Variants in ERCC3 observed in about 807,000 individuals in gnomAD.
ERCC3 encodes the protein ERCC excision repair 3, TFIIH core complex helicase subunit.
In ERCC3, 66 loss-of-function variants were observed where a neutral mutation model predicts 94.2. The observed-to-expected ratio is 0.70, with a 90% confidence interval of 0.57 to 0.86. The LOEUF is 0.86. Among genes scored for constraint, ERCC3 ranks in the 40% least tolerant of loss-of-function variants. The pLI, the probability that ERCC3 is intolerant of heterozygous loss-of-function variation, is 0.00. For missense variants in ERCC3, 829 were observed against 987.1 expected, an observed-to-expected ratio of 0.84 and a Z score of 2.15; for synonymous variants, 349 against 369.1, an observed-to-expected ratio of 0.95 and a Z score of 0.63.
chr2:127,259,690 C>G lies in ERCC3; in HGVS notation c.2065-242G>C, dbSNP rs1684134436. On this transcript the variant is annotated intron_variant, in intron 13 of 14. Transcript: ENST00000285398. This position sits in a 1 kb window ranked among gnomAD's most constrained non-coding sequence, Gnocchi z 4.9. ...GCAGGAATTTCAGAGAAATCTGCCC[C>G]CAGCACACAGCATCTAAATGATCAT... is the stretch of plus-strand genomic sequence containing the variant. 7.3e-6 allele frequency: 4 copies of G among 546,946 alleles called. No homozygotes were observed. The East Asian group carries it at 1.3e-4, about 18-fold the overall frequency. 33.9% of individuals were successfully genotyped at this position (546,946 alleles called of 1,614,324 possible).
chr2:127,283,376 G>A (rs1159564194), intron 8 of ERCC3, among the ~76,000 whole-genome samples: 2 of 152,124 alleles, frequency 1.3e-5, no homozygotes, highest in African/African-American at 4.8e-5. Context: ...CTTTCACTCA[G>A]CACCATGCTT....
At chr2:127,292,497 G>A (rs1254640912) in intron 3 of ERCC3, 113 bp downstream of exon 3, 4 of 812,340 alleles carry the variant, frequency 4.9e-6, no homozygotes, top group Non-Finnish European at 2.2e-6. Flanking sequence ...GCTCCCCACA[G>A]GAAATCTGAA....
intron 7 of ERCC3, 45 bp downstream of exon 7, chr2:127,288,615 C>T: frequency 6.5e-7 from 1 of 1,536,820 alleles, no homozygotes; most frequent in South Asian, 1.1e-5. Flanking sequence ...CTGGCAGATC[C>T]AGACACAACA....
chr2:127,290,449 C>T, intron 3 of ERCC3, 176 bp from the exon 4 acceptor site: 1 of 671,048 alleles, frequency 1.5e-6, no homozygotes, highest in Non-Finnish European at 2.8e-6. Flanking sequence ...CCATTGGCCT[C>T]TGCTTTCTGA....
rs756372508 is a variant in ERCC3 at position 127,261,354 on chromosome 2, A to C, written c.1946-8T>G. The C allele has an allele frequency of 1.3e-6, 2 of 1,493,572 alleles. No individual in the cohort carries two copies. The highest frequency in any genetic ancestry group is 2.3e-5 in the East Asian group (1 of 44,342). The allele number at this position is 1,493,572 out of a possible 1,614,324, so 92.5% of individuals were successfully genotyped here. A position where few individuals can be genotyped will look rare whatever the true frequency, so the allele number is the denominator to read the frequency against. ...ACTCTTCTGCAACCATCCCTGCAGG[A>C]AAAAATGAGAAACGGCAATAAAGAA... On this transcript the variant is annotated splice_polypyrimidine_tract_variant and splice_region_variant and intron_variant, in intron 12 of 14. Coordinates refer to ENST00000285398, the MANE Select transcript of ERCC3 (RefSeq NM_000122.2).
At position 127,257,807 on chromosome 2, in the gene ERCC3, A is replaced by C; in HGVS notation, c.2218-80T>G. The C allele has an allele frequency of 6.8e-7, 1 of 1,464,996 alleles. No individual in the cohort carries two copies. The highest frequency in any genetic ancestry group is 1.1e-5 in the South Asian group (1 of 86,986). The allele number at this position is 1,464,996 out of a possible 1,614,324, so 90.7% of individuals were successfully genotyped here. A position where few individuals can be genotyped will look rare whatever the true frequency, so the allele number is the denominator to read the frequency against. On this transcript the variant is annotated intron_variant, in intron 14 of 14. Transcript: ENST00000285398. The surrounding 1 kb of genome is among the most constrained non-coding windows in gnomAD (Gnocchi z 5.4). ...TTTATAATACTTATAATCACAGCAA[A>C]TTTTATAAGACTTACATAAATTTAA... is the stretch of plus-strand genomic sequence containing the variant.
rs1685384980 is a variant in ERCC3, at chr2:127,294,119, C to A, written c.-38G>T. The A allele has an allele frequency of 1.2e-6, 2 of 1,600,366 alleles. No individual in the cohort carries two copies. The highest frequency in any genetic ancestry group is 2.7e-5 in the African/African-American group (2 of 74,614). On this transcript the variant is annotated 5_prime_UTR_variant, in exon 1 of 15. Transcript: ENST00000285398. ...AGCAGAGAGAAGATGACCCCGCTCC[C>A]ACAGGCCCGCCGCGGCATCCGCTCT... is the stretch of plus-strand genomic sequence containing the variant.
At position 127,283,238 on chromosome 2, in the gene ERCC3, CCT is replaced by C. The variant is rs4150442; in HGVS notation, c.1343-2609_1343-2608del. Among the ~76,000 whole-genome samples the C allele has an allele frequency of 2.8e-3, 433 of 152,182 alleles. 2 individuals are homozygous for C. Among genetic ancestry groups the C allele is most frequent in the African/African-American group, 0.01 (415 of 41,498 alleles). On this transcript the variant is annotated intron_variant, in intron 8 of 14. Transcript: ENST00000285398. ...TAAAGACAGCATCCCCCAAAATTCC[CCT>C]GTGCTCTCCTTTAGAGTCATCCATC... is the stretch of plus-strand genomic sequence containing the variant.
At chr2:127,288,988 C>T (rs1158649658) in intron 6 of ERCC3, 124 bp from the exon 7 acceptor site, 3 of 863,378 alleles carry the variant, frequency 3.5e-6, no homozygotes, top group African/African-American at 1.7e-5. Context: ...GATTTTAGAT[C>T]TTGCTCAGTC....
intron 8 of ERCC3, among the ~76,000 whole-genome samples, chr2:127,285,455 C>A (rs1466937607): frequency 6.6e-6 from 1 of 152,112 alleles, no homozygotes; most frequent in East Asian, 1.9e-4. Flanking sequence ...CAGGGTGAGG[C>A]TGAGGTGGGC....
intron 12 of ERCC3, among the ~76,000 whole-genome samples, chr2:127,270,266 C>G (rs1251302360): frequency 6.6e-6 from 1 of 152,132 alleles, no homozygotes; most frequent in African/African-American, 2.4e-5. Flanking sequence ...CTCAAGCTAT[C>G]CTCCTGCCTT....
intron 3 of ERCC3, 147 bp downstream of exon 3, chr2:127,292,463 G>A (rs553657568): frequency 3.9e-6 from 3 of 760,776 alleles, no homozygotes; most frequent in Non-Finnish European, 7.2e-6. Flanking sequence ...CCAGAGTGTA[G>A]CGGCTGGGGT....
chr2:127,259,153 C>T lies in ERCC3; in HGVS notation c.2217+143G>A. On this transcript the variant is annotated intron_variant, in intron 14 of 14. Transcript: ENST00000285398. This position sits in a 1 kb window ranked among gnomAD's most constrained non-coding sequence, Gnocchi z 4.9. Reference sequence around the variant, plus strand: ...ACCAAAAGGGCAACAAGGATTGTTTCTGTTCATCTCTTCCGTGTTTTCCAA... The same window carrying T: ...ACCAAAAGGGCAACAAGGATTGTTTTTGTTCATCTCTTCCGTGTTTTCCAA... The T allele has an allele frequency of 1.1e-6, 1 of 927,132 alleles. No homozygotes were observed. Among genetic ancestry groups the T allele is most frequent in the Middle Eastern group, 3.1e-4 (1 of 3,190 alleles). 57.4% of individuals were successfully genotyped at this position (927,132 alleles called of 1,614,324 possible).
Position 127,280,472 on chromosome 2 carries a change from T to C in ERCC3, c.1502A>G (p.Tyr501Cys), listed in dbSNP as rs1251200118. ...ANWMELQNNGYIAKVQCAEVW... is the reference protein window; with the variant it reads ...ANWMELQNNGCIAKVQCAEVW... ...CTCAGCACACTGGACTTTGGCGATG[T>C]AGCCATTATTCTGCAGCTCCATCCA... is the stretch of plus-strand genomic sequence containing the variant. Residue 501 changes from tyrosine (Y) to cysteine (C), a missense_variant, in exon 9 of 15, where the codon TAC becomes TGC. Physicochemically the swap from Tyr to Cys is radical, Grantham distance 194. Transcript: ENST00000285398. The surrounding 1 kb of genome is among the most constrained non-coding windows in gnomAD (Gnocchi z 6.3). The C allele has an allele frequency of 6.2e-7, 1 of 1,613,356 alleles. No homozygotes were observed. Among genetic ancestry groups the C allele is most frequent in the South Asian group, 1.1e-5 (1 of 90,908 alleles).
intron 8 of ERCC3, among the ~76,000 whole-genome samples, chr2:127,281,324 G>A (rs1466397914): frequency 1.3e-5 from 2 of 152,012 alleles, no homozygotes; most frequent in South Asian, 2.1e-4. Flanking sequence ...CAAGCCCTCC[G>A]GCCCGCCTTA....
chr2:127,289,367 C>CTCTTCT lies in ERCC3; in HGVS notation c.786_791dup (p.Glu263_Glu264dup), dbSNP rs761456808. 1.8e-5 allele frequency: 29 copies of CTCTTCT among 1,613,408 alleles called. No individual in the cohort carries two copies. The highest frequency in any genetic ancestry group is 2.3e-5 in the Non-Finnish European group (27 of 1,179,756). On this transcript the variant is annotated inframe_insertion, in exon 6 of 15. Transcript: ENST00000285398. ...TGACTTCAAAAGACACTGTCTGTGT[C>CTCTTCT]TCTTCTTCTTCTTCTTCATCCTTGT...
chr2:127,286,935 A>G lies in ERCC3; in HGVS notation c.1110T>C (p.Ser370=), dbSNP rs774063464. The G allele has an allele frequency of 1.5e-5, 25 of 1,614,004 alleles. No individual in the cohort carries two copies. The highest frequency in any genetic ancestry group is 1.6e-4 in the Middle Eastern group (1 of 6,084). ...RCLVLGNSAV[S]VEQWKAQFKM... ...TGAACTGGGCTTTCCACTGCTCCAC[A>G]GAAACAGCTGAGTTGCCCAGCACCA... The change falls in exon 8 of 15, where the codon TCT becomes TCC. Residue 370 remains serine, a synonymous_variant. Coordinates refer to ENST00000285398, the MANE Select transcript of ERCC3 (RefSeq NM_000122.2).
At chr2:127,261,770 G>GA (rs1200886549) in intron 12 of ERCC3, 4 of 263,334 alleles carry the variant, frequency 1.5e-5, no homozygotes, top group Non-Finnish European at 2.9e-5. Flanking sequence ...AAAGCACAAT[G>GA]AGATTATCAC....
At chr2:127,278,045 G>C (rs1684786175) in intron 10 of ERCC3, among the ~76,000 whole-genome samples, 1 of 152,054 alleles carries the variant, frequency 6.6e-6, no homozygotes, top group Non-Finnish European at 1.5e-5. Flanking sequence ...TTTGAGACCA[G>C]CCTGGGCAAC....
Sources: allele counts gnomAD v4.1 joint callset (sites outside exome capture counted in the v4.1 genomes callset), GRCh38; gene constraint gnomAD v4.1.1; non-coding constraint Gnocchi (gnomAD v3.1); transcripts MANE v1.5; gene names NCBI Gene and HGNC (gene_info 2026-07-23, HGNC 2026-07-21).